The following CEP135 variants were observed in gnomAD, a reference collection of about 807,000 sequenced individuals.
The protein encoded by CEP135 is centrosomal protein 135.
Under a neutral mutation model 157.3 loss-of-function variants are expected in CEP135, and 142 were observed. The observed-to-expected ratio is 0.90, with a 90% CI of 0.79 to 1.04. The LOEUF (loss-of-function observed/expected upper bound fraction) is 1.04. CEP135 is among the 50% of genes least tolerant of loss of function. The probability of loss-of-function intolerance (pLI) is 0.00; values close to 1 mark genes in which losing one functional copy is unlikely to be tolerated. For synonymous variants in CEP135, 396 were observed against 439.8 expected (o/e 0.90, Z 1.25); for missense variants, 1,317 against 1,309.2 (o/e 1.01, Z -0.09).
At chr4:56,003,732 T>C (rs1163896372) in intron 17 of CEP135, among the ~76,000 whole-genome samples, 1 of 151,932 alleles carries the variant, frequency 6.6e-6, no homozygotes, top group Non-Finnish European at 1.5e-5. Context: ...TTTTTTTTTT[T>C]GTTTTTGAGA....
At chr4:55,951,456 G>A (rs1203768677) in intron 1 of CEP135, among the ~76,000 whole-genome samples, 2 of 152,090 alleles carry the variant, frequency 1.3e-5, no homozygotes, top group Non-Finnish European at 2.9e-5. Context: ...GTACCTTGTT[G>A]TTTTAATTTG....
At chr4:56,013,413 A>C (rs529241293) in intron 21 of CEP135, among the ~76,000 whole-genome samples, 2 of 152,154 alleles carry the variant, frequency 1.3e-5, no homozygotes, top group Admixed American at 1.3e-4. Flanking sequence ...TGATGCCTAT[A>C]CTTGTGGTGT....
In CEP135 at chr4:55,963,004, T is replaced by C. The variant is rs184958807; in HGVS notation, c.700-1270T>C. On this transcript the variant is annotated intron_variant, in intron 6 of 25. Transcript: ENST00000257287. ...TACTCATATGCCTTGTACTGAACTT[T>C]TTCTCTTCTGGTTTCGACTCCTTTA... Among the ~76,000 whole-genome samples, 43 of 152,296 alleles carry C rather than the reference T, an allele frequency of 2.8e-4. 1 individual carries two copies. Among genetic ancestry groups the C allele is most frequent in the Admixed American group, 2.7e-3 (42 of 15,292 alleles).
chr4:56,003,692 G>A (rs1730256029), intron 17 of CEP135, among the ~76,000 whole-genome samples: 2 of 151,110 alleles, frequency 1.3e-5, no homozygotes, highest in Admixed American at 1.3e-4. Flanking sequence ...TCATCACTAG[G>A]TTGTTTATTT....
chr4:56,030,550 GCT>G (rs989302263), intron 25 of CEP135, among the ~76,000 whole-genome samples: 10 of 152,144 alleles, frequency 6.6e-5, no homozygotes, highest in African/African-American at 2.4e-4. Context: ...GAACTCCTGG[GCT>G]CAAGCAGTCT....
chr4:56,023,598 A>G (rs1167343325), intron 24 of CEP135, among the ~76,000 whole-genome samples: 2 of 147,234 alleles, frequency 1.4e-5, no homozygotes, highest in Non-Finnish European at 3.0e-5. Flanking sequence ...TTTTCACTAT[A>G]TATAATATGT....
chr4:55,970,795 A>G (rs911074688), intron 9 of CEP135, among the ~76,000 whole-genome samples: 3 of 152,206 alleles, frequency 2.0e-5, no homozygotes, highest in East Asian at 1.9e-4. Flanking sequence ...GTTGGATACC[A>G]TGGAAAGTAC....
intron 11 of CEP135, among the ~76,000 whole-genome samples, chr4:55,978,386 G>T (rs1188922854): frequency 6.6e-6 from 1 of 152,158 alleles, no homozygotes; most frequent in African/African-American, 2.4e-5. Context: ...AATACTATAA[G>T]AGTATATAGA....
intron 24 of CEP135, 134 bp from the exon 25 acceptor site, chr4:56,024,367 G>A: frequency 3.6e-6 from 2 of 557,408 alleles, no homozygotes; most frequent in Admixed American, 3.1e-5. Context: ...ATTGTACAAA[G>A]ACATAGGATT....
At chr4:56,012,340 G>A (rs957240986) in intron 21 of CEP135, among the ~76,000 whole-genome samples, 2 of 152,210 alleles carry the variant, frequency 1.3e-5, no homozygotes, top group Non-Finnish European at 2.9e-5. Flanking sequence ...ACAGGCATGA[G>A]CCACCGCACC....
rs558510777 is a variant in CEP135 at position 56,031,131 on chromosome 4, CTAAATAAA to C, written c.*12-208_*12-201del. 2.7e-3 allele frequency among the ~76,000 whole-genome samples: 411 copies of C among 151,592 alleles called. 5 individuals carry two copies. The highest frequency in any genetic ancestry group is 0.014 in the Middle Eastern group (4 of 294). On this transcript the variant is annotated intron_variant, in intron 25 of 25. Transcript: ENST00000257287. The stretch of plus-strand genomic sequence containing the variant: ...TGGGCAACACGGCAAGACCCTATCT[CTAAATAAA>C]TAAATAAATAAATAAATAAAATAAA...
At chr4:55,997,500 C>G (rs1275528305) in intron 15 of CEP135, among the ~76,000 whole-genome samples, 1 of 152,138 alleles carries the variant, frequency 6.6e-6, no homozygotes, top group Non-Finnish European at 1.5e-5. Flanking sequence ...ATTAAGGTTT[C>G]TGCGGGTCAT....
rs1230273225 is a variant in CEP135, at chr4:55,976,984, T to G, written c.1473+2015T>G. On this transcript the variant is annotated intron_variant, in intron 11 of 25. Transcript: ENST00000257287. ...GCTACCATGCCTGGCTTTTTTTTTT[T>G]TTGTTTTTTGTATTTTTTGTAGAGA... is the stretch of plus-strand genomic sequence containing the variant. Among the ~76,000 whole-genome samples, 43 of 151,644 alleles carry G rather than the reference T, an allele frequency of 2.8e-4. 2 individuals are homozygous for G. Among genetic ancestry groups the G allele is most frequent in the East Asian group, 1.9e-3 (10 of 5,152 alleles).
intron 25 of CEP135, among the ~76,000 whole-genome samples, chr4:56,030,954 A>G (rs748863967): frequency 3.9e-5 from 6 of 152,046 alleles, no homozygotes; most frequent in Admixed American, 6.6e-5. Context: ...ACTAGCCTAA[A>G]CAACATCGTA....
At chr4:55,997,645 C>T (rs1359418929) in intron 15 of CEP135, among the ~76,000 whole-genome samples, 1 of 152,078 alleles carries the variant, frequency 6.6e-6, no homozygotes, top group Non-Finnish European at 1.5e-5. Flanking sequence ...GTTAGACTAG[C>T]CTTAATTTGC....
intron 17 of CEP135, among the ~76,000 whole-genome samples, chr4:56,004,714 A>G (rs1730291601): frequency 2.0e-5 from 3 of 152,162 alleles, no homozygotes; most frequent in Admixed American, 2.0e-4. Flanking sequence ...ATCTGATATA[A>G]GTAAAGCTAC....
At chr4:55,962,482 A>T (rs559664754) in intron 6 of CEP135, among the ~76,000 whole-genome samples, 1 of 152,072 alleles carries the variant, frequency 6.6e-6, no homozygotes, top group Admixed American at 6.6e-5. Context: ...GTCTTACTTG[A>T]TATCTCCATT....
At chr4:55,956,417 A>G (rs953820356) in intron 4 of CEP135, among the ~76,000 whole-genome samples, 5 of 152,170 alleles carry the variant, frequency 3.3e-5, no homozygotes, top group African/African-American at 1.2e-4. Flanking sequence ...TTAAGAAAAC[A>G]TTCCCTCCTA....
intron 13 of CEP135, among the ~76,000 whole-genome samples, chr4:55,984,393 T>C (rs1729507477): frequency 6.6e-6 from 1 of 152,218 alleles, no homozygotes; most frequent in South Asian, 2.1e-4. Flanking sequence ...GAATCTAGAT[T>C]CCCTTTTGAT....
Sources: allele counts gnomAD v4.1 joint callset (sites outside exome capture counted in the v4.1 genomes callset), GRCh38; gene constraint gnomAD v4.1.1; transcripts MANE v1.5; gene names NCBI Gene and HGNC (gene_info 2026-07-23, HGNC 2026-07-21).